The following FILIP1 variants were observed in gnomAD, a reference collection of about 807,000 sequenced individuals.
FILIP1 encodes filamin A interacting protein 1.
FILIP1 carries 61 observed loss-of-function variants against 102.1 expected under a neutral mutation model. That is an observed-to-expected ratio of 0.60 (90% confidence interval 0.49 to 0.74). The LOEUF (loss-of-function observed/expected upper bound fraction) is 0.74. Ranked by LOEUF, FILIP1 falls within the 30% of genes least tolerant of loss-of-function variation. FILIP1 has a pLI of 0.00. For synonymous variants in FILIP1, 491 were observed against 526.9 expected (o/e 0.93, Z 0.93); for missense variants, 1,314 against 1,441.2 (o/e 0.91, Z 1.43).
intron 4 of FILIP1, among the ~76,000 whole-genome samples, chr6:75,333,549 A>G (rs1326729826): frequency 2.6e-5 from 4 of 152,170 alleles, no homozygotes; most frequent in Admixed American, 6.6e-5. Flanking sequence ...TCATAGTTGA[A>G]CTCAAGATAT....
chr6:75,350,557 C>T (rs1454001982), intron 4 of FILIP1, among the ~76,000 whole-genome samples: 1 of 152,064 alleles, frequency 6.6e-6, no homozygotes, highest in African/African-American at 2.4e-5. Context: ...AGTAAATAAA[C>T]ACATCCTGCA....
chr6:75,436,167 G>C (rs1260355372), intron 1 of FILIP1, among the ~76,000 whole-genome samples: 1 of 152,008 alleles, frequency 6.6e-6, no homozygotes, highest in African/African-American at 2.4e-5. Flanking sequence ...GAACTCAGGA[G>C]TTCAAGACCA....
At chr6:75,347,965 A>C (rs1428509958) in intron 4 of FILIP1, among the ~76,000 whole-genome samples, 1 of 151,948 alleles carries the variant, frequency 6.6e-6, no homozygotes, top group Non-Finnish European at 1.5e-5. Flanking sequence ...TGATGATGTA[A>C]TTATTTATGT....
intron 2 of FILIP1, among the ~76,000 whole-genome samples, chr6:75,372,348 C>T (rs1050178231): frequency 4.3e-5 from 4 of 92,832 alleles, no homozygotes; most frequent in Non-Finnish European, 8.2e-5. Context: ...GCCTGGGCAA[C>T]AAGAGTGAAA....
intron 2 of FILIP1, among the ~76,000 whole-genome samples, chr6:75,371,642 G>A (rs2998372): frequency 0.026 from 4,022 of 152,222 alleles, 195 homozygotes; most frequent in African/African-American, 0.092. Flanking sequence ...CAATGGAATG[G>A]AATAGAGAGC....
At chr6:75,435,703 C>A (rs1366064103) in intron 1 of FILIP1, among the ~76,000 whole-genome samples, 6 of 152,192 alleles carry the variant, frequency 3.9e-5, no homozygotes, top group Non-Finnish European at 7.3e-5. Context: ...CCAAGAGACA[C>A]TCTTACATTT....
chr6:75,455,986 CTTTA>C (rs2149742104), intron 1 of FILIP1, among the ~76,000 whole-genome samples: 1 of 152,286 alleles, frequency 6.6e-6, no homozygotes, highest in South Asian at 2.1e-4. Flanking sequence ...ACCTTGACGT[CTTTA>C]TTTATGCCTT....
intron 1 of FILIP1, among the ~76,000 whole-genome samples, chr6:75,437,710 G>A (rs1266002290): frequency 6.6e-6 from 1 of 152,210 alleles, no homozygotes; most frequent in Non-Finnish European, 1.5e-5. Flanking sequence ...GGTCCTTCAT[G>A]ATCTGCTGAG....
Position 75,493,699 on chromosome 6 carries a change from G to A in FILIP1, c.-292C>T, listed in dbSNP as rs1780036522. 6.6e-6 allele frequency: 1 copy of A among 152,184 alleles called. No homozygotes were observed. Among genetic ancestry groups the A allele is most frequent in the Non-Finnish European group, 1.5e-5 (1 of 68,030 alleles). 9.4% of individuals were successfully genotyped at this position (152,184 alleles called of 1,614,324 possible). ...TTGTATATCTCCCACCCAGACTTTT[G>A]TTTAAAAGTTTTTTCTACTGTTGCT... On this transcript the variant is annotated 5_prime_UTR_variant, in exon 1 of 6. Transcript: ENST00000237172.
At chr6:75,416,301 T>A (rs961333236) in intron 1 of FILIP1, among the ~76,000 whole-genome samples, 3 of 152,184 alleles carry the variant, frequency 2.0e-5, no homozygotes, top group Non-Finnish European at 2.9e-5. Context: ...GCTGTTTTTT[T>A]AAAAATTGAA....
intron 1 of FILIP1, among the ~76,000 whole-genome samples, chr6:75,442,623 G>A (rs1179336870): frequency 3.9e-5 from 6 of 152,244 alleles, no homozygotes; most frequent in African/African-American, 1.4e-4. Flanking sequence ...GTGTGGCAGC[G>A]CGCGCCTGCA....
In FILIP1 at chr6:75,413,222, T is replaced by C. The variant is rs1389444753; in HGVS notation, c.276+1475A>G. Among the ~76,000 whole-genome samples, 4 of 152,144 alleles carry C rather than the reference T, an allele frequency of 2.6e-5. No individual in the cohort carries two copies. The East Asian group carries it at 7.7e-4, about 29-fold the overall frequency. Reference sequence around the variant, plus strand: ...TGGATGGAGAAAAGTGAGCTAATGATGTAGTTTTGTAAAGGTTTCTAAGGC... The same window carrying C: ...TGGATGGAGAAAAGTGAGCTAATGACGTAGTTTTGTAAAGGTTTCTAAGGC... On this transcript the variant is annotated intron_variant, in intron 2 of 5. Coordinates refer to ENST00000237172, the MANE Select transcript of FILIP1 (RefSeq NM_015687.5).
intron 2 of FILIP1, among the ~76,000 whole-genome samples, chr6:75,408,036 G>C (rs891172609): frequency 2.0e-5 from 3 of 152,170 alleles, no homozygotes; most frequent in African/African-American, 7.2e-5. Flanking sequence ...ACTAATACAA[G>C]GGGAAATTAA....
chr6:75,397,249 TAAA>T (rs1252606166), intron 2 of FILIP1, among the ~76,000 whole-genome samples: 1 of 151,660 alleles, frequency 6.6e-6, no homozygotes, highest in East Asian at 1.9e-4. Context: ...TTAATAAATA[TAAA>T]AAATTCTAAA....
chr6:75,305,382 C>T (rs1209280395), downstream of FILIP1, among the ~76,000 whole-genome samples: 1 of 152,078 alleles, frequency 6.6e-6, no homozygotes, highest in Non-Finnish European at 1.5e-5. Context: ...TTCATGTCTC[C>T]GAAATTATAC....
At chr6:75,362,537 G>A (rs556938708) in intron 3 of FILIP1, among the ~76,000 whole-genome samples, 1 of 152,262 alleles carries the variant, frequency 6.6e-6, no homozygotes, top group South Asian at 2.1e-4. Flanking sequence ...TCAGGCTTTG[G>A]TATGTTTAAA....
Position 75,414,830 on chromosome 6 carries a change from T to A in FILIP1, c.143A>T (p.Asp48Val). 6.2e-7 allele frequency: 1 copy of A among 1,613,974 alleles called. No individual in the cohort carries two copies. Among genetic ancestry groups the A allele is most frequent in the South Asian group, 1.1e-5 (1 of 91,068 alleles). The change falls in exon 2 of 6, where the codon GAT becomes GTT. Residue 48 changes from aspartate (D) to valine (V), a missense_variant. Asp to Val is a radical substitution (Grantham distance 152). Around this residue, in one of 3 missense-constraint regions of FILIP1, gnomAD observed 494 missense variants for 511.2 expected, o/e 0.97. Transcript: ENST00000237172. Reference protein sequence around the residue: ...KKKKSNRKEDDVMASGTVKRH... With the variant: ...KKKKSNRKEDVVMASGTVKRH... ...TTTGACAGTTCCTGAGGCCATGACA[T>A]CATCCTCCTTCCTATTTGATTTCTT...
intron 1 of FILIP1, among the ~76,000 whole-genome samples, chr6:75,420,810 C>T (rs1777436798): frequency 6.6e-6 from 1 of 152,092 alleles, no homozygotes; most frequent in Non-Finnish European, 1.5e-5. Context: ...TTCACACTTG[C>T]TTATATTATT....
At chr6:75,466,428 T>A (rs917715879) in intron 1 of FILIP1, among the ~76,000 whole-genome samples, 12 of 152,180 alleles carry the variant, frequency 7.9e-5, no homozygotes, top group African/African-American at 2.4e-4. Context: ...ATGAATGCAG[T>A]GTTTTATCAA....
Sources: allele counts gnomAD v4.1 joint callset (sites outside exome capture counted in the v4.1 genomes callset), GRCh38; gene constraint gnomAD v4.1.1; regional missense constraint gnomAD v4.1.1; transcripts MANE v1.5; gene names NCBI Gene and HGNC (gene_info 2026-07-23, HGNC 2026-07-21).